Variants in WDR76 observed in about 807,000 individuals in gnomAD.
WDR76 encodes WD repeat domain 76.
WDR76 carries 52 observed loss-of-function variants against 70.2 expected under a neutral mutation model. The observed-to-expected ratio is 0.74, with a 90% CI of 0.59 to 0.93. WDR76 has a LOEUF of 0.93. WDR76 is among the 40% of genes least tolerant of loss of function. The pLI is 0.00. For missense variants in WDR76, 756 were observed against 760.2 expected, an observed-to-expected ratio of 0.99 and a Z score of 0.07; for synonymous variants, 292 against 271.1, an observed-to-expected ratio of 1.08 and a Z score of -0.76.
intron 2 of WDR76, among the ~76,000 whole-genome samples, chr15:43,830,673 A>C (rs571099825): frequency 7.2e-5 from 11 of 152,070 alleles, no homozygotes; most frequent in African/African-American, 2.7e-4. Context: ...AAGAAAAAAA[A>C]AAGGAGGTGG....
intron 11 of WDR76, 125 bp downstream of exon 11, chr15:43,858,948 A>ATATG: frequency 8.1e-7 from 1 of 1,234,726 alleles, no homozygotes; most frequent in Middle Eastern, 2.1e-4. Context: ...TTTAGTAGTC[A>ATATG]TATGTAGGTT....
rs1253255063 is a variant in WDR76, at chr15:43,868,248, C to A, written c.*1856C>A. On this transcript the variant is annotated 3_prime_UTR_variant, in exon 13 of 13. Transcript: ENST00000263795. Reference sequence around the variant, plus strand: ...TAGGCTCCCTTTTTCATTTCTATACCAATTAATCTCATGGGTTCTAGAGTG... The same window carrying A: ...TAGGCTCCCTTTTTCATTTCTATACAAATTAATCTCATGGGTTCTAGAGTG... 1 of 151,720 alleles carries A rather than the reference C, an allele frequency of 6.6e-6. No homozygotes were observed. The highest frequency in any genetic ancestry group is 6.6e-5 in the Admixed American group (1 of 15,222). The allele number at this position is 151,720 out of a possible 1,614,324, so 9.4% of individuals were successfully genotyped here.
chr15:43,828,357 A>G lies in WDR76; in HGVS notation c.453A>G (p.Thr151=). The change falls in exon 2 of 13, where the codon ACA becomes ACG. Residue 151 remains threonine (T), a synonymous_variant. Coordinates refer to ENST00000263795, the MANE Select transcript of WDR76 (RefSeq NM_024908.4). ...SQDGDSDEDT[T]PSLDFSGLSP... The stretch of plus-strand genomic sequence containing the variant: ...ATGGAGACAGTGATGAAGATACCAC[A>G]CCATCCCTGGTAAGAACTTAATTAG... 4 of 1,604,310 alleles carry G rather than the reference A, an allele frequency of 2.5e-6. No individual in the cohort carries two copies. Among genetic ancestry groups the G allele is most frequent in the Non-Finnish European group, 3.4e-6 (4 of 1,176,020 alleles).
At chr15:43,851,035 CT>C (rs2087851024) in intron 8 of WDR76, 51 bp from the exon 9 acceptor site, 1 of 1,597,116 alleles carries the variant, frequency 6.3e-7, no homozygotes, top group African/African-American at 1.3e-5. Context: ...GCAAAAATCA[CT>C]ATTTTTCACT....
At position 43,842,412 on chromosome 15, in the gene WDR76, C is replaced by T. The variant is rs1267248886; in HGVS notation, c.733-3C>T. On this transcript the variant is annotated splice_polypyrimidine_tract_variant and splice_region_variant and intron_variant, in intron 5 of 12. Coordinates refer to ENST00000263795, the MANE Select transcript of WDR76 (RefSeq NM_024908.4). ...ACAAATAACTTTTTATTTTTTATAA[C>T]AGCCTTTGTTACCTCCTGGGCCTTT... The T allele has an allele frequency of 6.2e-7, 1 of 1,611,594 alleles. No individual in the cohort carries two copies. Among genetic ancestry groups the T allele is most frequent in the East Asian group, 2.2e-5 (1 of 44,838 alleles).
intron 1 of WDR76, 83 bp downstream of exon 1, chr15:43,827,175 G>T (rs866710786): frequency 1.3e-6 from 2 of 1,574,562 alleles, no homozygotes; most frequent in South Asian, 1.1e-5. Context: ...CCAGGAGGTC[G>T]AGGGCACCTG....
chr15:43,840,237 C>G (rs1483257799), intron 5 of WDR76, among the ~76,000 whole-genome samples: 1 of 151,838 alleles, frequency 6.6e-6, no homozygotes, highest in African/African-American at 2.4e-5. Flanking sequence ...GACTTACCTG[C>G]TTAGGATTGT....
intron 8 of WDR76, among the ~76,000 whole-genome samples, chr15:43,848,207 C>T (rs1367402558): frequency 6.6e-6 from 1 of 152,014 alleles, no homozygotes; most frequent in Non-Finnish European, 1.5e-5. Context: ...TCACTGTACT[C>T]CAGGCTGGAT....
intron 8 of WDR76, among the ~76,000 whole-genome samples, chr15:43,844,613 C>CA (rs35536883): frequency 4.2e-3 from 382 of 91,470 alleles, no homozygotes; most frequent in Middle Eastern, 0.011. Context: ...GACTCCGTCT[C>CA]AAAAAAAAAA....
intron 11 of WDR76, 106 bp from the exon 12 acceptor site, chr15:43,861,227 A>G: frequency 4.2e-6 from 4 of 962,760 alleles, no homozygotes; most frequent in Non-Finnish European, 3.3e-6. Context: ...AGTGACAGTT[A>G]TATATTTCAT....
intron 2 of WDR76, among the ~76,000 whole-genome samples, chr15:43,830,931 C>T (rs1009939335): frequency 7.9e-5 from 12 of 151,902 alleles, no homozygotes; most frequent in Non-Finnish European, 1.3e-4. Flanking sequence ...ACCTGTAGTC[C>T]CAGCTACTCA....
rs549630577 is a variant in WDR76, at chr15:43,851,097, C to A, written c.1043C>A (p.Pro348His). Residue 348 changes from proline (P) to histidine (H), a missense_variant, in exon 9 of 13, where the codon CCT becomes CAT. Transcript: ENST00000263795. Reference sequence around the variant, plus strand: ...GCAACTCTCTTCCAGACCCAGCAACCTAAAGAAGATGGAGTTTATGTTTTT... The same window carrying A: ...GCAACTCTCTTCCAGACCCAGCAACATAAAGAAGATGGAGTTTATGTTTTT... ...QVGLCDLTQQ[P>H]KEDGVYVFHP... The A allele has an allele frequency of 3.2e-5, 52 of 1,614,070 alleles. 1 individual carries two copies. In the East Asian group the frequency reaches 1.1e-3, roughly 35 times the overall value.
intron 4 of WDR76, among the ~76,000 whole-genome samples, chr15:43,838,032 C>T (rs548592002): frequency 6.6e-5 from 10 of 151,886 alleles, no homozygotes; most frequent in Non-Finnish European, 1.0e-4. Flanking sequence ...CCCGCCACCA[C>T]GCCCGGCTAA....
chr15:43,852,324 C>T (rs954477240), intron 9 of WDR76, among the ~76,000 whole-genome samples: 2 of 151,990 alleles, frequency 1.3e-5, no homozygotes, highest in Non-Finnish European at 2.9e-5. Context: ...GCAGGGATTA[C>T]AGGCACCCAT....
In WDR76 at chr15:43,827,073, G is replaced by C; in HGVS notation, c.41G>C (p.Arg14Thr). 6.2e-7 allele frequency: 1 copy of C among 1,614,072 alleles called. No individual in the cohort carries two copies. Among genetic ancestry groups the C allele is most frequent in the Non-Finnish European group, 8.5e-7 (1 of 1,180,028 alleles). ...GCGGCGGCTGAGAAGGCGGACTCCA[G>C]ACAGCGACCCCAGATGAAGGTGAGA... ...SGAAAEKADS[R>T]QRPQMKVNEY... Residue 14 changes from arginine to threonine, a missense_variant, in exon 1 of 13, where the codon AGA (arginine) becomes ACA (threonine). Coordinates refer to ENST00000263795, the MANE Select transcript of WDR76 (RefSeq NM_024908.4).
At position 43,868,197 on chromosome 15, in the gene WDR76, C is replaced by G. The variant is rs1431765579; in HGVS notation, c.*1805C>G. 6.6e-6 allele frequency: 1 copy of G among 152,172 alleles called. No individual in the cohort carries two copies. The highest frequency in any genetic ancestry group is 1.5e-5 in the Non-Finnish European group (1 of 68,020). 9.4% of individuals were successfully genotyped at this position (152,172 alleles called of 1,614,324 possible). A position where few individuals can be genotyped will look rare whatever the true frequency, so the allele number is the denominator to read the frequency against. On this transcript the variant is annotated 3_prime_UTR_variant, in exon 13 of 13. Transcript: ENST00000263795. Reference sequence around the variant, plus strand: ...TAGGTGAGGTTGAGTTATAATTAAACTGTTCAGGAAACATCGTAAAGGCTT... The same window carrying G: ...TAGGTGAGGTTGAGTTATAATTAAAGTGTTCAGGAAACATCGTAAAGGCTT...
chr15:43,829,072 T>C (rs971675643), intron 2 of WDR76, among the ~76,000 whole-genome samples: 3 of 151,620 alleles, frequency 2.0e-5, no homozygotes, highest in African/African-American at 4.8e-5. Context: ...CTGGTTAATT[T>C]TGTGTTTTTA....
chr15:43,851,211 G>T lies in WDR76; in HGVS notation c.1157G>T (p.Arg386Leu), dbSNP rs1426234313. The stretch of plus-strand genomic sequence containing the variant: ...TCACTGAGCTATGATGGCACGTTAC[G>T]CTGTGGGGATTTTTCCAGGGCTATT... ...ILSLSYDGTL[R>L]CGDFSRAIFE... Residue 386 changes from arginine (R) to leucine (L), a missense_variant, in exon 9 of 13, where the codon CGC becomes CTC. Transcript: ENST00000263795. 1.2e-6 allele frequency: 2 copies of T among 1,613,996 alleles called. No individual in the cohort carries two copies. The highest frequency in any genetic ancestry group is 2.7e-5 in the African/African-American group (2 of 74,894).
rs771261368 is a variant in WDR76 at position 43,861,320 on chromosome 15, CTT to C, written c.1563-11_1563-10del. On this transcript the variant is annotated splice_polypyrimidine_tract_variant and intron_variant, in intron 11 of 12. Coordinates refer to ENST00000263795, the MANE Select transcript of WDR76 (RefSeq NM_024908.4). ...AAGTAACAAAAGAATGTCTTACTCT[CTT>C]TATTTTGCAGAATTTTTGACAGCAG... The C allele has an allele frequency of 6.2e-7, 1 of 1,600,046 alleles. No homozygotes were observed. Among genetic ancestry groups the C allele is most frequent in the Non-Finnish European group, 8.5e-7 (1 of 1,169,680 alleles).
Sources: allele counts gnomAD v4.1 joint callset (sites outside exome capture counted in the v4.1 genomes callset), GRCh38; gene constraint gnomAD v4.1.1; transcripts MANE v1.5; gene names NCBI Gene and HGNC (gene_info 2026-07-23, HGNC 2026-07-21).